The following ACSS3 variants were observed in gnomAD, a reference collection of about 807,000 sequenced individuals.
The protein encoded by ACSS3 is acyl-CoA synthetase short chain family member 3, also known as acyl-CoA synthetase short-chain family member 3, mitochondrial.
ACSS3 carries 64 observed loss-of-function variants against 84.2 expected under a neutral mutation model. The ratio of observed to expected loss-of-function variants is 0.76; its 90% CI spans 0.62 to 0.94. ACSS3 has a LOEUF of 0.94. Among genes scored for constraint, ACSS3 ranks in the 40% least tolerant of loss-of-function variants. The probability of loss-of-function intolerance (pLI) is 0.00; values close to 1 mark genes in which losing one functional copy is unlikely to be tolerated. For synonymous variants in ACSS3, 317 were observed against 310.1 expected (o/e 1.02, Z -0.23); for missense variants, 815 against 867.6 (o/e 0.94, Z 0.76).
rs754751317 is a variant in ACSS3 at position 81,151,864 on chromosome 12, G to A, written c.942G>A (p.Gly314=). 4 of 1,613,566 alleles carry A rather than the reference G, an allele frequency of 2.5e-6. No homozygotes were observed. The East Asian group carries it at 8.9e-5, about 36-fold the overall frequency. Residue 314 remains glycine, a synonymous_variant, in exon 6 of 16, where the codon GGG becomes GGA. Transcript: ENST00000548058. ...CTTAGGGTGTGATTAGGCCCACTGG[G>A]GGATACGCTGTCATGCTACACTGGT... The part of the protein sequence containing the change: ...GLPKGVIRPT[G]GYAVMLHWSM...
intron 1 of ACSS3, among the ~76,000 whole-genome samples, chr12:81,091,974 C>G (rs534355965): frequency 6.6e-6 from 1 of 152,212 alleles, no homozygotes; most frequent in East Asian, 1.9e-4. Context: ...AACAGACTTA[C>G]TATGCTTGAG....
At chr12:81,079,128 A>T (rs1194317012) in intron 1 of ACSS3, among the ~76,000 whole-genome samples, 1 of 152,222 alleles carries the variant, frequency 6.6e-6, no homozygotes, top group Non-Finnish European at 1.5e-5. Context: ...GAAAGAATAC[A>T]GATAGATATA....
chr12:81,192,177 C>T (rs1488714207), intron 8 of ACSS3, among the ~76,000 whole-genome samples: 1 of 151,538 alleles, frequency 6.6e-6, no homozygotes, highest in Non-Finnish European at 1.5e-5. Flanking sequence ...GTCAGGAGTT[C>T]GAGACCAGCC....
chr12:81,165,884 TTAA>T (rs1887379091), intron 7 of ACSS3, among the ~76,000 whole-genome samples: 1 of 152,308 alleles, frequency 6.6e-6, no homozygotes, highest in South Asian at 2.1e-4. Context: ...ACAATAACAA[TTAA>T]TAATAATTAT....
intron 13 of ACSS3, among the ~76,000 whole-genome samples, chr12:81,236,716 C>T (rs1180694519): frequency 6.6e-6 from 1 of 151,156 alleles, no homozygotes; most frequent in Admixed American, 6.6e-5. Context: ...TCATTCTCCC[C>T]CTTCTCTCTT....
At chr12:81,199,544 C>T (rs1353111973) in intron 9 of ACSS3, 100 bp downstream of exon 9, 12 of 1,462,680 alleles carry the variant, frequency 8.2e-6, no homozygotes, top group Non-Finnish European at 1.1e-5. Flanking sequence ...AGATCAGACA[C>T]AAACTCGGGA....
At chr12:81,240,735 T>A (rs2033771705) in intron 13 of ACSS3, among the ~76,000 whole-genome samples, 1 of 152,036 alleles carries the variant, frequency 6.6e-6, no homozygotes. Flanking sequence ...TTGTGGTGGT[T>A]GCCCTAATGT....
intron 8 of ACSS3, among the ~76,000 whole-genome samples, chr12:81,176,119 AAG>A (rs2030458444): frequency 6.6e-6 from 1 of 152,360 alleles, no homozygotes; most frequent in East Asian, 1.9e-4. Flanking sequence ...CTATTTAAAA[AAG>A]AGAGAAGATC....
intron 7 of ACSS3, among the ~76,000 whole-genome samples, chr12:81,159,712 A>T (rs1268808705): frequency 1.3e-5 from 2 of 152,248 alleles, no homozygotes; most frequent in Non-Finnish European, 2.9e-5. Context: ...AAGGGATAAA[A>T]CACAAGCAAT....
At chr12:81,202,015 C>T (rs1593191018) in intron 9 of ACSS3, among the ~76,000 whole-genome samples, 1 of 152,068 alleles carries the variant, frequency 6.6e-6, no homozygotes, top group East Asian at 1.9e-4. Context: ...TGCGGTGGTT[C>T]AAGCCTGTAA....
At chr12:81,191,019 T>C (rs1200132931) in intron 8 of ACSS3, among the ~76,000 whole-genome samples, 3 of 152,048 alleles carry the variant, frequency 2.0e-5, no homozygotes, top group Non-Finnish European at 4.4e-5. Context: ...ATTTTTTTTT[T>C]GGTAGACCTT....
chr12:81,089,172 T>G (rs1881509144), intron 1 of ACSS3, among the ~76,000 whole-genome samples: 1 of 152,022 alleles, frequency 6.6e-6, no homozygotes, highest in Non-Finnish European at 1.5e-5. Context: ...TGTCTAATTA[T>G]GAACACTTGG....
intron 1 of ACSS3, among the ~76,000 whole-genome samples, chr12:81,101,459 A>G (rs775008097): frequency 3.3e-5 from 5 of 152,072 alleles, no homozygotes; most frequent in Non-Finnish European, 5.9e-5. Flanking sequence ...GGAGTTTACC[A>G]CTATTATTTT....
chr12:81,080,372 G>T (rs1880892710), intron 1 of ACSS3, among the ~76,000 whole-genome samples: 2 of 151,474 alleles, frequency 1.3e-5, no homozygotes, highest in South Asian at 4.2e-4. Context: ...TTTTTAAATG[G>T]TGTGTATAAG....
chr12:81,240,993 C>T (rs1289039198), intron 13 of ACSS3, among the ~76,000 whole-genome samples: 1 of 122,404 alleles, frequency 8.2e-6, no homozygotes, highest in South Asian at 3.4e-4. Context: ...CCCCTCCCCC[C>T]ACCCCACAAC....
intron 1 of ACSS3, among the ~76,000 whole-genome samples, chr12:81,098,428 C>T (rs192662448): frequency 1.2e-3 from 180 of 152,134 alleles, no homozygotes; most frequent in African/African-American, 4.1e-3. Context: ...CAGAAATATG[C>T]CCTAGGAACT....
At chr12:81,251,586 C>G (rs1344557649) in intron 13 of ACSS3, among the ~76,000 whole-genome samples, 1 of 147,322 alleles carries the variant, frequency 6.8e-6, no homozygotes, top group Non-Finnish European at 1.5e-5. Context: ...AATCCCAGCA[C>G]TTTGGGAGGC....
At chr12:81,181,070 T>C (rs1186188795) in intron 8 of ACSS3, among the ~76,000 whole-genome samples, 1 of 152,184 alleles carries the variant, frequency 6.6e-6, no homozygotes, top group Non-Finnish European at 1.5e-5. Flanking sequence ...AAAATAGATA[T>C]TATGCCCTGA....
At chr12:81,175,684 A>G (rs971982837) in intron 8 of ACSS3, among the ~76,000 whole-genome samples, 18 of 152,220 alleles carry the variant, frequency 1.2e-4, no homozygotes, top group African/African-American at 2.9e-4. Flanking sequence ...AAAAATAGAG[A>G]TTAATATCAA....
Sources: allele counts gnomAD v4.1 joint callset (sites outside exome capture counted in the v4.1 genomes callset), GRCh38; gene constraint gnomAD v4.1.1; transcripts MANE v1.5; gene names NCBI Gene and HGNC (gene_info 2026-07-23, HGNC 2026-07-21).